ARHGEF3: variants seen among roughly 807,000 people sequenced by gnomAD.
ARHGEF3 encodes Rho guanine nucleotide exchange factor 3.
A neutral mutation model predicts 63.2 loss-of-function variants in ARHGEF3; 28 were observed. That is an observed-to-expected ratio of 0.44 (90% CI 0.33 to 0.61). The LOEUF is 0.61. ARHGEF3 is among the 20% of genes least tolerant of loss of function. The pLI, the probability that ARHGEF3 is intolerant of heterozygous loss-of-function variation, is 0.03. For missense variants in ARHGEF3, 533 were observed against 659.3 expected (o/e 0.81, Z 2.10); for synonymous variants, 266 against 254.2 (o/e 1.05, Z -0.44).
chr3:56,975,100 T>C (rs1299302260), intron 2 of ARHGEF3, among the ~76,000 whole-genome samples: 2 of 152,080 alleles, frequency 1.3e-5, no homozygotes, highest in Non-Finnish European at 2.9e-5. Context: ...ATAGAGAACG[T>C]TGTCAAGGGT....
intron 1 of ARHGEF3, among the ~76,000 whole-genome samples, chr3:57,038,831 C>T (rs1704064661): frequency 6.6e-6 from 1 of 152,200 alleles, no homozygotes; most frequent in Admixed American, 6.5e-5. Context: ...CACACAGAGG[C>T]TCCTCTCATC....
At chr3:57,048,422 C>A (rs1704546540) in intron 1 of ARHGEF3, among the ~76,000 whole-genome samples, 1 of 152,178 alleles carries the variant, frequency 6.6e-6, no homozygotes, top group Non-Finnish European at 1.5e-5. Flanking sequence ...AACAGATTTG[C>A]ACATCAAGAG....
chr3:56,932,683 T>G (rs2042445963), intron 3 of ARHGEF3, among the ~76,000 whole-genome samples: 1 of 152,200 alleles, frequency 6.6e-6, no homozygotes, highest in Non-Finnish European at 1.5e-5. Flanking sequence ...TAAACTTACA[T>G]ATGTTTATGG....
chr3:57,015,156 C>G (rs1027903797), intron 2 of ARHGEF3, among the ~76,000 whole-genome samples: 1 of 152,220 alleles, frequency 6.6e-6, no homozygotes, highest in African/African-American at 2.4e-5. Flanking sequence ...CACGCTCATT[C>G]ACTTATGTAA....
chr3:56,928,660 G>T (rs2042336886), intron 3 of ARHGEF3, among the ~76,000 whole-genome samples: 1 of 152,142 alleles, frequency 6.6e-6, no homozygotes, highest in African/African-American at 2.4e-5. Context: ...CTCTTGAAAT[G>T]AAGACATATT....
chr3:57,025,563 C>T (rs1703438134), intron 2 of ARHGEF3, among the ~76,000 whole-genome samples: 1 of 152,198 alleles, frequency 6.6e-6, no homozygotes, highest in African/African-American at 2.4e-5. Flanking sequence ...GCAAATGCTA[C>T]AAGTCTGAGC....
At chr3:56,876,356 A>G (rs2040585780) in intron 4 of ARHGEF3, among the ~76,000 whole-genome samples, 1 of 152,198 alleles carries the variant, frequency 6.6e-6, no homozygotes, top group South Asian at 2.1e-4. Context: ...TAGGGAGGCC[A>G]GTGAGGAGGC....
intron 1 of ARHGEF3, among the ~76,000 whole-genome samples, chr3:56,795,050 A>G (rs1275713607): frequency 7.1e-6 from 1 of 141,040 alleles, no homozygotes; most frequent in Non-Finnish European, 1.6e-5. Context: ...TTTTTTTTAG[A>G]GATGGGGTCT....
intron 4 of ARHGEF3, among the ~76,000 whole-genome samples, chr3:56,855,096 A>G (rs995727271): frequency 6.6e-5 from 10 of 152,104 alleles, no homozygotes; most frequent in African/African-American, 2.4e-4. Context: ...ATGGAGTACA[A>G]TAACAAGGTC....
chr3:56,916,375 G>T, intron 3 of ARHGEF3: 2 of 1,533,516 alleles, frequency 1.3e-6, no homozygotes, highest in Non-Finnish European at 1.7e-6. Context: ...CGGACTCACC[G>T]GCTCCTAACT....
At chr3:56,920,180 T>C (rs1366140102) in intron 3 of ARHGEF3, among the ~76,000 whole-genome samples, 1 of 152,216 alleles carries the variant, frequency 6.6e-6, no homozygotes, top group Non-Finnish European at 1.5e-5. Context: ...GGTATTTTTC[T>C]TTCAGTATAT....
intron 4 of ARHGEF3, among the ~76,000 whole-genome samples, chr3:56,838,858 A>G (rs1290206946): frequency 1.3e-5 from 2 of 152,184 alleles, no homozygotes; most frequent in Non-Finnish European, 2.9e-5. Flanking sequence ...GGCCGGGTGC[A>G]GTGGCTCATG....
In ARHGEF3 at chr3:56,792,252, C is replaced by G. The variant is rs533063074; in HGVS notation, c.96+9451G>C. Among the ~76,000 whole-genome samples, 38 of 152,332 alleles carry G rather than the reference C, an allele frequency of 2.5e-4. No homozygotes were observed. In the South Asian group the frequency reaches 7.5e-3, roughly 30 times the overall value. On this transcript the variant is annotated intron_variant, in intron 1 of 9. Coordinates refer to ENST00000296315, the MANE Select transcript of ARHGEF3 (RefSeq NM_019555.3). ...TTGCAACATGCCTGTCCCCTCTTCT[C>G]TACATCCCATATGCACACATATAGG... is the stretch of plus-strand genomic sequence containing the variant.
chr3:56,950,894 A>G (rs373295800), intron 3 of ARHGEF3, among the ~76,000 whole-genome samples: 19 of 152,028 alleles, frequency 1.2e-4, no homozygotes, highest in Non-Finnish European at 2.5e-4. Context: ...GTCCAACAAC[A>G]ATAGACTGGA....
At chr3:57,025,753 C>T (rs538964715) in intron 2 of ARHGEF3, among the ~76,000 whole-genome samples, 18 of 152,268 alleles carry the variant, frequency 1.2e-4, no homozygotes, top group African/African-American at 4.1e-4. Flanking sequence ...CTCCAGGGCA[C>T]GGACTCTATT....
chr3:57,074,161 G>T, intron 1 of ARHGEF3: 1 of 1,614,194 alleles, frequency 6.2e-7, no homozygotes, highest in Non-Finnish European at 8.5e-7. Context: ...GCCGAGCCCA[G>T]TAGCACAGGG....
At chr3:56,808,540 T>C (rs890148091) in intron 4 of ARHGEF3, among the ~76,000 whole-genome samples, 4 of 152,120 alleles carry the variant, frequency 2.6e-5, no homozygotes, top group Middle Eastern at 3.2e-3. Flanking sequence ...CAGTGAGCCA[T>C]AATCATGCCA....
chr3:57,030,191 G>A (rs1377931954), intron 2 of ARHGEF3, among the ~76,000 whole-genome samples: 4 of 152,164 alleles, frequency 2.6e-5, no homozygotes, highest in African/African-American at 9.7e-5. Flanking sequence ...CTGTCTTCTA[G>A]CCAATTCAGT....
At chr3:56,887,751 T>G (rs1430018543) in intron 3 of ARHGEF3, among the ~76,000 whole-genome samples, 10 of 152,204 alleles carry the variant, frequency 6.6e-5, no homozygotes. Flanking sequence ...CACAGTCCAC[T>G]TCCCTTTCAA....
Sources: gnomAD v4.1 joint callset for allele counts (sites outside exome capture counted in the v4.1 genomes callset) on GRCh38, gnomAD v4.1.1 for gene constraint, MANE v1.5 for transcripts, NCBI Gene and HGNC (gene_info 2026-07-23, HGNC 2026-07-21) for gene names.